ADGRF4: variants seen among roughly 807,000 people sequenced by gnomAD.
ADGRF4 encodes the protein G-protein coupled receptor PGR18.
ADGRF4 carries 63 observed loss-of-function variants against 58.5 expected under a neutral mutation model. The observed-to-expected ratio is 1.08, with a 90% confidence interval of 0.88 to 1.33. The LOEUF is 1.33. Among genes scored for constraint, ADGRF4 ranks in the 40% most tolerant of loss-of-function variants. ADGRF4 has a pLI of 0.00. For synonymous variants in ADGRF4, 313 were observed against 295.4 expected (o/e 1.06, Z -0.61); for missense variants, 931 against 843.9 (o/e 1.10, Z -1.28).
intron 9 of ADGRF4, among the ~76,000 whole-genome samples, chr6:47,719,301 G>C (rs538749247): frequency 1.3e-5 from 2 of 152,210 alleles, no homozygotes; most frequent in East Asian, 1.9e-4. Context: ...ACATACAGTC[G>C]CAGGGAGAGG....
At chr6:47,700,987 G>T (rs1928465) in intron 1 of ADGRF4, among the ~76,000 whole-genome samples, 86,139 of 151,244 alleles carry the variant, frequency 0.57, 25,194 homozygotes, top group South Asian at 0.69. Flanking sequence ...TCAGGCTCTG[G>T]GGGGGAAGAG....
intron 3 of ADGRF4, among the ~76,000 whole-genome samples, chr6:47,710,483 C>G (rs1451962331): frequency 3.9e-5 from 6 of 152,182 alleles, no homozygotes; most frequent in Non-Finnish European, 7.3e-5. Context: ...TGCCACTCCC[C>G]CTTCAGGTGC....
In ADGRF4 at chr6:47,714,122, A is replaced by T; in HGVS notation, c.877A>T (p.Ile293Leu). 6.2e-7 allele frequency: 1 copy of T among 1,614,100 alleles called. No homozygotes were observed. Among genetic ancestry groups the T allele is most frequent in the Middle Eastern group, 1.7e-4 (1 of 6,058 alleles). ...LWPNASQAIS[I>L]AFPTLGAILR... is the part of the protein sequence containing the mutation. The stretch of plus-strand genomic sequence containing the variant: ...GCCAAATGCATCCCAAGCCATTAGC[A>T]TAGCTTTCCCAACCTTGGGGGCTAT... Residue 293 changes from isoleucine (I) to leucine (L), a missense_variant, in exon 6 of 10, where the codon ATA becomes TTA. Coordinates refer to ENST00000283303, the MANE Select transcript of ADGRF4 (RefSeq NM_153838.5).
At chr6:47,708,070 A>G (rs904463402) in intron 2 of ADGRF4, among the ~76,000 whole-genome samples, 154 bp from the exon 3 acceptor site, 1 of 152,194 alleles carries the variant, frequency 6.6e-6, no homozygotes, top group African/African-American at 2.4e-5. Context: ...CATTTCCTTC[A>G]GCAAGTTACC....
intron 9 of ADGRF4, among the ~76,000 whole-genome samples, chr6:47,719,527 A>G (rs1772108551): frequency 6.6e-6 from 1 of 152,114 alleles, no homozygotes; most frequent in African/African-American, 2.4e-5. Flanking sequence ...ACGTTTCTTA[A>G]TTTGCCACTA....
rs139666418 is a variant in ADGRF4, at chr6:47,699,450, T to C, written c.-17+656T>C. Reference sequence around the variant, plus strand: ...GGACCAGAGGCAATTGCTGGGCGTATAAATTTCTTTAAAATTTTATAAGTA... The same window carrying C: ...GGACCAGAGGCAATTGCTGGGCGTACAAATTTCTTTAAAATTTTATAAGTA... On this transcript the variant is annotated intron_variant, in intron 1 of 9. Coordinates refer to ENST00000283303, the MANE Select transcript of ADGRF4 (RefSeq NM_153838.5). Among the ~76,000 whole-genome samples, 763 of 152,350 alleles carry C rather than the reference T, an allele frequency of 5.0e-3. 6 individuals are homozygous for C. Among genetic ancestry groups the C allele is most frequent in the African/African-American group, 0.017 (719 of 41,584 alleles).
intron 1 of ADGRF4, among the ~76,000 whole-genome samples, chr6:47,699,730 G>C (rs535098253): frequency 6.6e-6 from 1 of 152,266 alleles, no homozygotes; most frequent in African/African-American, 2.4e-5. Flanking sequence ...TGGCAAGGGA[G>C]AACTCTAAGG....
Position 47,710,725 on chromosome 6 carries a change from T to C in ADGRF4, c.149-10T>C, listed in dbSNP as rs1771840244. 1 of 1,581,034 alleles carries C rather than the reference T, an allele frequency of 6.3e-7. No individual in the cohort carries two copies. Among genetic ancestry groups the C allele is most frequent in the Admixed American group, 2.0e-5 (1 of 50,274 alleles). On this transcript the variant is annotated splice_polypyrimidine_tract_variant and intron_variant, in intron 3 of 9. Transcript: ENST00000283303. ...CCTGTCTCTCTCTCTTTCTCTTTTT[T>C]TCTTTATAGAGAAATGCGAAGGACC...
intron 7 of ADGRF4, 127 bp from the exon 8 acceptor site, chr6:47,717,165 C>A: frequency 1.3e-6 from 1 of 744,682 alleles, no homozygotes; most frequent in Non-Finnish European, 2.5e-6. Flanking sequence ...TGTTACTTGC[C>A]AGTCACTATG....
chr6:47,699,847 G>C (rs1771545440), intron 1 of ADGRF4, among the ~76,000 whole-genome samples: 1 of 151,474 alleles, frequency 6.6e-6, no homozygotes, highest in South Asian at 2.1e-4. Flanking sequence ...TTATACTACT[G>C]GAACAGAGGA....
chr6:47,711,987 C>T (rs1359345968), intron 4 of ADGRF4, among the ~76,000 whole-genome samples: 1 of 152,184 alleles, frequency 6.6e-6, no homozygotes, highest in African/African-American at 2.4e-5. Context: ...CTGAAATTGT[C>T]ATTCCTTAGC....
At position 47,714,197 on chromosome 6, in the gene ADGRF4, G is replaced by A; in HGVS notation, c.952G>A (p.Gly318Ser). 6.2e-7 allele frequency: 1 copy of A among 1,614,048 alleles called. No individual in the cohort carries two copies. Among genetic ancestry groups the A allele is most frequent in the Non-Finnish European group, 8.5e-7 (1 of 1,179,984 alleles). The change falls in exon 6 of 10, where the codon GGT becomes AGT. Residue 318 changes from glycine to serine, a missense_variant. Coordinates refer to ENST00000283303, the MANE Select transcript of ADGRF4 (RefSeq NM_153838.5). ...TGTGAGTCTTCCCAGACAGGTAAAT[G>A]GTCTGGTGCTATCAGTGGTTTTACC... ...QNVSLPRQVNGLVLSVVLPER... is the reference protein window; with the variant it reads ...QNVSLPRQVNSLVLSVVLPER...
intron 4 of ADGRF4, 84 bp from the exon 5 acceptor site, chr6:47,712,273 T>C (rs988179110): frequency 4.5e-6 from 6 of 1,342,438 alleles, no homozygotes; most frequent in Middle Eastern, 2.2e-4. Context: ...ACCTTACCCA[T>C]GTAGATTGTG....
At chr6:47,711,559 C>A (rs1157639718) in intron 4 of ADGRF4, among the ~76,000 whole-genome samples, 1 of 152,214 alleles carries the variant, frequency 6.6e-6, no homozygotes, top group East Asian at 1.9e-4. Flanking sequence ...CCGCGCCGGG[C>A]CTTGATATCT....
At position 47,701,291 on chromosome 6, in the gene ADGRF4, A is replaced by G. The variant is rs369878003; in HGVS notation, c.-17+2497A>G. ...AGTACTGTGTGAAAAACAAAGGTGA[A>G]TTATAGTGGGTAATTAACACTTTTA... On this transcript the variant is annotated intron_variant, in intron 1 of 9. Coordinates refer to ENST00000283303, the MANE Select transcript of ADGRF4 (RefSeq NM_153838.5). Among the ~76,000 whole-genome samples the G allele has an allele frequency of 6.6e-5, 10 of 152,336 alleles. No individual in the cohort carries two copies. In the East Asian group the frequency reaches 1.7e-3, roughly 26 times the overall value.
At chr6:47,711,630 G>C (rs1009610152) in intron 4 of ADGRF4, among the ~76,000 whole-genome samples, 1 of 152,142 alleles carries the variant, frequency 6.6e-6, no homozygotes, top group Non-Finnish European at 1.5e-5. Context: ...CAATCTAGAG[G>C]AACAGAATTG....
Position 47,721,745 on chromosome 6 carries a change from A to G in ADGRF4, c.*540A>G, listed in dbSNP as rs1483738696. ...ACAATTAAGTCATGGTACGTTTCCT[A>G]AAGATAGGGAACGGAAGAAAAGCAA... On this transcript the variant is annotated 3_prime_UTR_variant, in exon 10 of 10. Coordinates refer to ENST00000283303, the MANE Select transcript of ADGRF4 (RefSeq NM_153838.5). The G allele has an allele frequency of 6.6e-6, 1 of 152,180 alleles. No individual in the cohort carries two copies. The highest frequency in any genetic ancestry group is 6.5e-5 in the Admixed American group (1 of 15,274). The allele number at this position is 152,180 out of a possible 1,614,324, so 9.4% of individuals were successfully genotyped here.
chr6:47,702,869 T>C (rs1302075875), intron 1 of ADGRF4, among the ~76,000 whole-genome samples: 1 of 152,220 alleles, frequency 6.6e-6, no homozygotes, highest in Non-Finnish European at 1.5e-5. Context: ...TAGGATAGGA[T>C]CTAGCACTGG....
chr6:47,714,757 C>T lies in ADGRF4; in HGVS notation c.1512C>T (p.Val504=). The change falls in exon 6 of 10, where the codon GTC becomes GTT. Residue 504 remains valine, a synonymous_variant. Transcript: ENST00000283303. ...TGCTCATCATTTATGGAATATTGGT[C>T]ATTTTCCGTAGGATGATGAAGTCCC... ...KALLIIYGIL[V]IFRRMMKSRM... The T allele has an allele frequency of 6.2e-7, 1 of 1,613,862 alleles. No individual in the cohort carries two copies. The highest frequency in any genetic ancestry group is 1.7e-4 in the Middle Eastern group (1 of 6,060).
Sources: gnomAD v4.1 joint callset for allele counts (sites outside exome capture counted in the v4.1 genomes callset) on GRCh38, gnomAD v4.1.1 for gene constraint, MANE v1.5 for transcripts, NCBI Gene and HGNC (gene_info 2026-07-23, HGNC 2026-07-21) for gene names.